The following SF3B4 variants were observed in gnomAD, a reference collection of about 807,000 sequenced individuals.
SF3B4 encodes splicing factor 3b subunit 4, also known as SAP 49.
In SF3B4, 3 loss-of-function variants were observed where a neutral mutation model predicts 34.3. The observed-to-expected ratio is 0.09, with a 90% confidence interval of 0.04 to 0.23. The LOEUF (loss-of-function observed/expected upper bound fraction) is 0.23. Ranked by LOEUF, SF3B4 falls within the 10% of genes least tolerant of loss-of-function variation. The probability of loss-of-function intolerance (pLI) is 1.00; values close to 1 mark genes in which losing one functional copy is unlikely to be tolerated. For synonymous variants in SF3B4, 216 were observed against 207.8 expected (o/e 1.04, Z -0.34); for missense variants, 283 against 567.2 (o/e 0.50, Z 5.09).
At chr1:149,925,707 T>G (rs1553765907) in intron 4 of SF3B4, 129 bp downstream of exon 4, 1 of 762,122 alleles carries the variant, frequency 1.3e-6, no homozygotes, top group South Asian at 1.5e-5. Context: ...TATGTTTTTA[T>G]AATAGAATGT....
At chr1:149,927,431 C>T in intron 1 of SF3B4, 137 bp from the exon 2 acceptor site, 2 of 979,368 alleles carry the variant, frequency 2.0e-6, no homozygotes, top group Non-Finnish European at 3.0e-6. Flanking sequence ...AAAGTTTAAA[C>T]CCTTAAACTT....
chr1:149,924,115 G>T, intron 4 of SF3B4, 101 bp from the exon 5 acceptor site: 1 of 1,017,028 alleles, frequency 9.8e-7, no homozygotes. Context: ...AGTGACATCA[G>T]AAAGAGAACT....
Position 149,926,982 on chromosome 1 carries a change from C to A in SF3B4, c.164-64G>T. Reference sequence around the variant, plus strand: ...AAGAGACTGAAAATGGGGTAAAATTCATCTACCCTCTAATCACAAAGAACA... The same window carrying A: ...AAGAGACTGAAAATGGGGTAAAATTAATCTACCCTCTAATCACAAAGAACA... On this transcript the variant is annotated intron_variant, in intron 2 of 5. Coordinates refer to ENST00000271628, the MANE Select transcript of SF3B4 (RefSeq NM_005850.5). This position sits in a 1 kb window ranked among gnomAD's most constrained non-coding sequence, Gnocchi z 6.2. 6.8e-7 allele frequency: 1 copy of A among 1,479,098 alleles called. No homozygotes were observed. 91.6% of individuals were successfully genotyped at this position (1,479,098 alleles called of 1,614,324 possible). A position where few individuals can be genotyped will look rare whatever the true frequency, so the allele number is the denominator to read the frequency against.
intron 1 of SF3B4, 106 bp from the exon 2 acceptor site, chr1:149,927,400 T>A: frequency 4.3e-6 from 6 of 1,399,340 alleles, no homozygotes; most frequent in South Asian, 1.2e-5. Flanking sequence ...GGGACCGCGG[T>A]AGGGGACAGG....
rs1553765670 is a variant in SF3B4 at position 149,923,931 on chromosome 1, G to A, written c.997C>T (p.Pro333Ser). The A allele has an allele frequency of 1.9e-6, 3 of 1,596,024 alleles. No individual in the cohort carries two copies. The highest frequency in any genetic ancestry group is 2.3e-5 in the East Asian group (1 of 43,806). The stretch of plus-strand genomic sequence containing the variant: ...ATTCCAGGTGGTGGTCGGGGCGGTG[G>A]CTGGCCCCCAGAGCCTGGGGGTCCA... ...HAGPPGSGGQPPPRPPPGMPH... is the reference protein window; with the variant it reads ...HAGPPGSGGQSPPRPPPGMPH... Residue 333 changes from proline (P) to serine (S), a missense_variant, in exon 5 of 6, where the codon CCA (proline) becomes TCA (serine). Around this residue, in one of 4 missense-constraint regions of SF3B4, gnomAD observed 208 missense variants for 292.6 expected, o/e 0.71. Transcript: ENST00000271628.
At position 149,926,779 on chromosome 1, in the gene SF3B4, G is replaced by A. The variant is rs782508916; in HGVS notation, c.303C>T (p.Asn101=). 25 of 1,614,160 alleles carry A rather than the reference G, an allele frequency of 1.5e-5. No homozygotes were observed. The highest frequency in any genetic ancestry group is 2.1e-5 in the Non-Finnish European group (25 of 1,180,034). The change falls in exon 3 of 6, where the codon AAC becomes AAT. Residue 101 remains asparagine (N), a synonymous_variant. Coordinates refer to ENST00000271628, the MANE Select transcript of SF3B4 (RefSeq NM_005850.5). The surrounding 1 kb of genome is among the most constrained non-coding windows in gnomAD (Gnocchi z 6.2). ...AHNKNLDVGA[N]IFIGNLDPEI... ...CAGGGTCCAGGTTCCCAATGAAAATGTTGGCCCCTACATCCAGGTTTTTGT... is the reference window on the plus strand; with the variant it reads ...CAGGGTCCAGGTTCCCAATGAAAATATTGGCCCCTACATCCAGGTTTTTGT...
intron 4 of SF3B4, chr1:149,925,563 G>A (rs1050414928): frequency 2.3e-6 from 1 of 430,104 alleles, no homozygotes; most frequent in Non-Finnish European, 4.3e-6. Flanking sequence ...TGGCAATTAG[G>A]TCACCACTTT....
chr1:149,925,434 G>T (rs1408487320), intron 4 of SF3B4, among the ~76,000 whole-genome samples: 1 of 151,976 alleles, frequency 6.6e-6, no homozygotes, highest in Non-Finnish European at 1.5e-5. Flanking sequence ...CAGAGAGAGG[G>T]GTGGAGGATC....
At chr1:149,924,854 A>T (rs1200089469) in intron 4 of SF3B4, among the ~76,000 whole-genome samples, 1 of 152,218 alleles carries the variant, frequency 6.6e-6, no homozygotes, top group Non-Finnish European at 1.5e-5. Context: ...CAGGGGCCAG[A>T]TCATAAAGAG....
chr1:149,925,161 C>T (rs1216352721), intron 4 of SF3B4, among the ~76,000 whole-genome samples: 1 of 151,844 alleles, frequency 6.6e-6, no homozygotes, highest in Non-Finnish European at 1.5e-5. Context: ...ACATAGCTCT[C>T]AGATTCATGA....
chr1:149,925,655 TAAG>T (rs781980205), intron 4 of SF3B4, 178 bp downstream of exon 4: 6 of 684,102 alleles, frequency 8.8e-6, no homozygotes, highest in East Asian at 2.8e-5. Flanking sequence ...CAGAAAAACT[TAAG>T]AAATGGATTC....
Position 149,923,981 on chromosome 1 carries a change from G to A in SF3B4, c.947C>T (p.Pro316Leu), listed in dbSNP as rs1420780809. ...MSQMQLAHHG[P>L]HGLGHPHAGP... ...AGCGTGGGGATGTCCTAAGCCATGA[G>A]GGCCATGGTGTGCAAGCTGCATCTG... is the stretch of plus-strand genomic sequence containing the variant. Residue 316 changes from proline to leucine, a missense_variant, in exon 5 of 6, where the codon CCT becomes CTT. Transcript: ENST00000271628. The A allele has an allele frequency of 1.3e-6, 2 of 1,567,492 alleles. No individual in the cohort carries two copies. The highest frequency in any genetic ancestry group is 2.1e-5 in the Admixed American group (1 of 47,484).
Position 149,927,166 on chromosome 1 carries a change from C to T in SF3B4, c.163G>A (p.Gly55Ser). 1 of 1,613,604 alleles carries T rather than the reference C, an allele frequency of 6.2e-7. No homozygotes were observed. The highest frequency in any genetic ancestry group is 8.5e-7 in the Non-Finnish European group (1 of 1,180,016). ...PKDRVTGQHQGYGFVEFLSEE... is the reference protein window; with the variant it reads ...PKDRVTGQHQSYGFVEFLSEE... ...AATTCGCCCCTTGTCATGTACTCAC[C>T]TTGGTGCTGGCCAGTGACTCTATCC... is the stretch of plus-strand genomic sequence containing the variant. The change falls in exon 2 of 6, where the codon GGC becomes AGC. Residue 55 changes from glycine to serine, a missense_variant and splice_region_variant. Gly to Ser is a moderately conservative substitution (Grantham distance 56, BLOSUM62 0). Transcript: ENST00000271628.
At position 149,923,506 on chromosome 1, in the gene SF3B4, T is replaced by C. The variant is rs782434059; in HGVS notation, c.*36A>G. On this transcript the variant is annotated 3_prime_UTR_variant, in exon 6 of 6. Transcript: ENST00000271628. ...ATTGGTCCAAGGAATAGAAAAGATA[T>C]TGGGAAAATGTAACAGGAGGAAGGA... 91 of 1,522,040 alleles carry C rather than the reference T, an allele frequency of 6.0e-5. No homozygotes were observed. The Admixed American group carries it at 1.3e-3, about 22-fold the overall frequency. 94.3% of individuals were successfully genotyped at this position (1,522,040 alleles called of 1,614,324 possible). A position where few individuals can be genotyped will look rare whatever the true frequency, so the allele number is the denominator to read the frequency against.
Position 149,927,419 on chromosome 1 carries a change from A to T in SF3B4, c.35-125T>A. 3 of 1,163,900 alleles carry T rather than the reference A, an allele frequency of 2.6e-6. No homozygotes were observed. The Admixed American group carries it at 7.5e-5, about 29-fold the overall frequency. 72.1% of individuals were successfully genotyped at this position (1,163,900 alleles called of 1,614,324 possible). Reference sequence around the variant, plus strand: ...CCGCGGTAGGGGACAGGAGCAAAAAAAAAAGTTTAAACCCTTAAACTTCTC... The same window carrying T: ...CCGCGGTAGGGGACAGGAGCAAAAATAAAAGTTTAAACCCTTAAACTTCTC... On this transcript the variant is annotated intron_variant, in intron 1 of 5. Transcript: ENST00000271628.
At chr1:149,924,332 G>A (rs1192441886) in intron 4 of SF3B4, among the ~76,000 whole-genome samples, 1 of 152,130 alleles carries the variant, frequency 6.6e-6, no homozygotes, top group African/African-American at 2.4e-5. Context: ...AGCTACTCAG[G>A]AGGCTGAGGT....
intron 1 of SF3B4, 111 bp from the exon 2 acceptor site, chr1:149,927,405 G>C: frequency 1.5e-6 from 2 of 1,316,542 alleles, no homozygotes; most frequent in Non-Finnish European, 2.1e-6. Flanking sequence ...CGCGGTAGGG[G>C]ACAGGAGCAA....
intron 1 of SF3B4, 108 bp from the exon 2 acceptor site, chr1:149,927,402 G>C: frequency 7.4e-7 from 1 of 1,352,306 alleles, no homozygotes; most frequent in Non-Finnish European, 1.0e-6. Context: ...GACCGCGGTA[G>C]GGGACAGGAG....
chr1:149,926,363 C>T lies in SF3B4; in HGVS notation c.706+13G>A, dbSNP rs1553766020. The T allele has an allele frequency of 6.3e-7, 1 of 1,586,990 alleles. No homozygotes were observed. The highest frequency in any genetic ancestry group is 1.4e-5 in the African/African-American group (1 of 74,054). ...CAACCTTAAGACAAACATATTTTAA[C>T]CAAAAGCTTTACCTGGTGGAGGAAG... is the stretch of plus-strand genomic sequence containing the variant. On this transcript the variant is annotated intron_variant, in intron 3 of 5. Coordinates refer to ENST00000271628, the MANE Select transcript of SF3B4 (RefSeq NM_005850.5). The surrounding 1 kb of genome is among the most constrained non-coding windows in gnomAD (Gnocchi z 6.2).
Sources: allele counts gnomAD v4.1 joint callset (sites outside exome capture counted in the v4.1 genomes callset), GRCh38; gene constraint gnomAD v4.1.1; regional missense constraint gnomAD v4.1.1; non-coding constraint Gnocchi (gnomAD v3.1); transcripts MANE v1.5; gene names NCBI Gene and HGNC (gene_info 2026-07-23, HGNC 2026-07-21).